The following ARHGEF18 variants were observed in gnomAD, a reference collection of about 807,000 sequenced individuals.
ARHGEF18 encodes rho guanine nucleotide exchange factor 18.
In ARHGEF18, 93 loss-of-function variants were observed where a neutral mutation model predicts 155.7. The ratio of observed to expected loss-of-function variants is 0.60; its 90% CI spans 0.50 to 0.71. The LOEUF (loss-of-function observed/expected upper bound fraction) is 0.71. ARHGEF18 is among the 30% of genes least tolerant of loss of function. The probability of loss-of-function intolerance (pLI) is 0.00; values close to 1 mark genes in which losing one functional copy is unlikely to be tolerated. For missense variants in ARHGEF18, 1,593 were observed against 1,816.1 expected (o/e 0.88, Z 2.23); for synonymous variants, 742 against 753.1 (o/e 0.99, Z 0.24).
chr19:7,356,811 C>T (rs1233963684), intron 1 of ARHGEF18, among the ~76,000 whole-genome samples: 6 of 152,214 alleles, frequency 3.9e-5, no homozygotes, highest in African/African-American at 1.4e-4. Flanking sequence ...CCATCACCTG[C>T]ATGAGCCACG....
At chr19:7,403,096 C>T (rs1417486131) in intron 10 of ARHGEF18, among the ~76,000 whole-genome samples, 2 of 152,142 alleles carry the variant, frequency 1.3e-5, no homozygotes, top group African/African-American at 4.8e-5. Context: ...TCACTGTAAC[C>T]TCCGCCTCCT....
intron 10 of ARHGEF18, among the ~76,000 whole-genome samples, chr19:7,439,228 G>C (rs929254167): frequency 7.3e-5 from 11 of 151,632 alleles, no homozygotes; most frequent in African/African-American, 2.7e-4. Context: ...GCCCAAAGCA[G>C]GAGGACCGCT....
At chr19:7,469,397 C>G (rs1021947338) in intron 27 of ARHGEF18, among the ~76,000 whole-genome samples, 3 of 152,180 alleles carry the variant, frequency 2.0e-5, no homozygotes, top group African/African-American at 7.2e-5. Flanking sequence ...GAAAGGGACA[C>G]GGGCAAGAAG....
chr19:7,389,535 CTTATT>C (rs200037988), intron 10 of ARHGEF18, among the ~76,000 whole-genome samples: 2,488 of 140,032 alleles, frequency 0.018, 75 homozygotes, highest in African/African-American at 0.062. Flanking sequence ...TTCTTATTTA[CTTATT>C]TTTTTTTTTT....
chr19:7,362,003 A>C (rs1378306623), intron 1 of ARHGEF18, among the ~76,000 whole-genome samples: 4 of 52,130 alleles, frequency 7.7e-5, no homozygotes, highest in African/African-American at 4.2e-4. Context: ...AAGAAGAAGA[A>C]GAAGAAGAAG....
chr19:7,451,410 T>G, intron 16 of ARHGEF18, 144 bp downstream of exon 16: 1 of 635,614 alleles, frequency 1.6e-6, no homozygotes, highest in Non-Finnish European at 2.6e-6. Context: ...CTTCCTTTTT[T>G]TTTTTTTTTT....
rs781318511 is a variant in ARHGEF18, at chr19:7,454,201, G to A, written c.2104+486G>A. The stretch of plus-strand genomic sequence containing the variant: ...TGGTGGGTGCCATCTTGGATCAGTG[G>A]CACCATCTTGGTGGGTTCCCTCTTG... On this transcript the variant is annotated intron_variant, in intron 17 of 28. Transcript: ENST00000668164. Among the ~76,000 whole-genome samples, 6 of 150,386 alleles carry A rather than the reference G, an allele frequency of 4.0e-5. No individual in the cohort carries two copies. The South Asian group carries it at 1.1e-3, about 27-fold the overall frequency.
In ARHGEF18 at chr19:7,451,132, T is replaced by A; in HGVS notation, c.1738-17T>A. On this transcript the variant is annotated splice_polypyrimidine_tract_variant and intron_variant, in intron 15 of 28. Transcript: ENST00000668164. ...TTTCTGAGATGTTAATACAGGATCT[T>A]GCTTTCTGTTTCCTAGAAAATTGGC... 1 of 1,556,736 alleles carries A rather than the reference T, an allele frequency of 6.4e-7. No individual in the cohort carries two copies. The highest frequency in any genetic ancestry group is 8.7e-7 in the Non-Finnish European group (1 of 1,154,130).
Position 7,462,797 on chromosome 19 carries a change from G to A in ARHGEF18, c.2635+463G>A, listed in dbSNP as rs1976361210. ...GGCCCCTGGGCTGGCCGCTTGAGCA[G>A]GCAGTCAGCGCCCAGTCTGCTCTTT... On this transcript the variant is annotated intron_variant, in intron 21 of 28. Coordinates refer to ENST00000668164, the MANE Select transcript of ARHGEF18 (RefSeq NM_001367823.1). This position sits in a 1 kb window ranked among gnomAD's most constrained non-coding sequence, Gnocchi z 4.4. Among the ~76,000 whole-genome samples the A allele has an allele frequency of 6.6e-6, 1 of 151,684 alleles. No individual in the cohort carries two copies. The highest frequency in any genetic ancestry group is 6.6e-5 in the Admixed American group (1 of 15,238).
chr19:7,378,863 T>C (rs1970593140), intron 6 of ARHGEF18, among the ~76,000 whole-genome samples: 1 of 151,958 alleles, frequency 6.6e-6, no homozygotes, highest in African/African-American at 2.4e-5. Flanking sequence ...CGGCTAATTT[T>C]TGTATTTCTA....
rs541151673 is a variant in ARHGEF18, at chr19:7,452,026, C to T, written c.1855+760C>T. Among the ~76,000 whole-genome samples the T allele has an allele frequency of 5.8e-4, 89 of 152,176 alleles. 1 individual carries two copies. The highest frequency in any genetic ancestry group is 1.0e-3 in the Non-Finnish European group (70 of 67,996). On this transcript the variant is annotated intron_variant, in intron 16 of 28. Transcript: ENST00000668164. ...CATGAGCCACCATGCCACGCCCAGC[C>T]TGGCCTGGGGCTTTTGATACAAGAA...
At chr19:7,477,303 AGCGGCCG>A, downstream of ARHGEF18, 1 of 1,568,136 alleles carries the variant, frequency 6.4e-7, no homozygotes, top group South Asian at 1.2e-5. Flanking sequence ...CACGGCGGGA[AGCGGCCG>A]GCCCACAGCA....
At position 7,463,063 on chromosome 19, in the gene ARHGEF18, A is replaced by C. The variant is rs1468621244; in HGVS notation, c.2635+729A>C. On this transcript the variant is annotated intron_variant, in intron 21 of 28. Coordinates refer to ENST00000668164, the MANE Select transcript of ARHGEF18 (RefSeq NM_001367823.1). This position sits in a 1 kb window ranked among gnomAD's most constrained non-coding sequence, Gnocchi z 5.2. ...TGGCCAGGCTGGTCTCGAACTCCTG[A>C]CCTCAGATGATCCACCCTCCTCTGC... 6.6e-6 allele frequency among the ~76,000 whole-genome samples: 1 copy of C among 151,728 alleles called. No homozygotes were observed. Among genetic ancestry groups the C allele is most frequent in the Non-Finnish European group, 1.5e-5 (1 of 67,930 alleles).
At chr19:7,439,806 T>G (rs1006092811) in intron 10 of ARHGEF18, 5 of 1,435,368 alleles carry the variant, frequency 3.5e-6, no homozygotes, top group Non-Finnish European at 2.7e-6. Flanking sequence ...TTCATGATCT[T>G]AGACTATTTA....
At chr19:7,453,909 A>G (rs1409748777) in intron 17 of ARHGEF18, among the ~76,000 whole-genome samples, 194 bp downstream of exon 17, 1 of 152,112 alleles carries the variant, frequency 6.6e-6, no homozygotes, top group South Asian at 2.1e-4. Flanking sequence ...AGTGGGTACC[A>G]TTTTGGAGTG....
chr19:7,427,138 G>C (rs1303217702), intron 10 of ARHGEF18, among the ~76,000 whole-genome samples: 1 of 152,172 alleles, frequency 6.6e-6, no homozygotes, highest in African/African-American at 2.4e-5. Context: ...CGCAGAACCT[G>C]CCAGGAAAGG....
chr19:7,427,240 C>G (rs1430708044), intron 10 of ARHGEF18, among the ~76,000 whole-genome samples: 1 of 152,196 alleles, frequency 6.6e-6, no homozygotes, highest in African/African-American at 2.4e-5. Context: ...AATGTTGCCC[C>G]AGCTGCCTCA....
chr19:7,361,259 G>C (rs1969534527), intron 1 of ARHGEF18, among the ~76,000 whole-genome samples: 1 of 151,948 alleles, frequency 6.6e-6, no homozygotes, highest in African/African-American at 2.4e-5. Context: ...AACGTAGCAA[G>C]ACCCCCGTCT....
chr19:7,421,808 C>T (rs1973365041), intron 10 of ARHGEF18, among the ~76,000 whole-genome samples: 1 of 152,090 alleles, frequency 6.6e-6, no homozygotes, highest in Admixed American at 6.6e-5. Flanking sequence ...GGCCCTGACT[C>T]CACGCACGTC....
Sources: gnomAD v4.1 joint callset for allele counts (sites outside exome capture counted in the v4.1 genomes callset) on GRCh38, gnomAD v4.1.1 for gene constraint, Gnocchi (gnomAD v3.1) non-coding constraint, MANE v1.5 for transcripts, NCBI Gene and HGNC (gene_info 2026-07-23, HGNC 2026-07-21) for gene names.